Variants in TSC22D1 observed in about 807,000 individuals in gnomAD.
TSC22D1 encodes the protein TSC22 domain family member 1, also known as TSC22 domain family protein 1.
TSC22D1 carries 9 observed loss-of-function variants against 74.2 expected under a neutral mutation model. The ratio of observed to expected loss-of-function variants is 0.12; its 90% CI spans 0.07 to 0.21. The LOEUF (loss-of-function observed/expected upper bound fraction) is 0.21, where lower values mean the gene tolerates loss of function less well. Among genes scored for constraint, TSC22D1 ranks in the 10% least tolerant of loss-of-function variants. The probability of loss-of-function intolerance (pLI) is 1.00; values close to 1 mark genes in which losing one functional copy is unlikely to be tolerated. For missense variants in TSC22D1, 1,427 were observed against 1,304.7 expected (o/e 1.09, Z -1.44); for synonymous variants, 586 against 492.5 (o/e 1.19, Z -2.51).
intron 1 of TSC22D1, among the ~76,000 whole-genome samples, chr13:44,549,398 G>C (rs975133473): frequency 6.6e-6 from 1 of 152,034 alleles, no homozygotes; most frequent in African/African-American, 2.4e-5. Context: ...TGAGCCTAAA[G>C]TGACAAGGAA....
At chr13:44,517,901 G>T (rs1880129447) in intron 1 of TSC22D1, among the ~76,000 whole-genome samples, 1 of 127,020 alleles carries the variant, frequency 7.9e-6, no homozygotes, top group Admixed American at 9.0e-5. Flanking sequence ...ACTGAGCCGA[G>T]GCTGAGTGCA....
rs1480787781 is a variant in TSC22D1, at chr13:44,434,818, G to A, written c.3030C>T (p.Ile1010=). ...REEVEVLKEQ[I]KELIEKNSQL... ...GGGAATTTTTCTCTATTAGTTCTTT[G>A]ATTTGCTCTTTGAGGACCTCCACTT... is the stretch of plus-strand genomic sequence containing the variant. The change falls in exon 3 of 3, where the codon ATC becomes ATT. Residue 1010 remains isoleucine (I), a synonymous_variant. Coordinates refer to ENST00000458659, the MANE Select transcript of TSC22D1 (RefSeq NM_183422.4). 3 of 1,613,956 alleles carry A rather than the reference G, an allele frequency of 1.9e-6. No individual in the cohort carries two copies. The highest frequency in any genetic ancestry group is 2.5e-6 in the Non-Finnish European group (3 of 1,179,992).
At chr13:44,569,619 AAC>A (rs1883617901) in intron 1 of TSC22D1, among the ~76,000 whole-genome samples, 1 of 152,220 alleles carries the variant, frequency 6.6e-6, no homozygotes, top group Non-Finnish European at 1.5e-5. Context: ...TTTTATAGGT[AAC>A]ACACATGCGT....
intron 1 of TSC22D1, chr13:44,538,135 G>A: frequency 1.0e-6 from 1 of 985,202 alleles, no homozygotes; most frequent in Non-Finnish European, 1.2e-6. Flanking sequence ...CTTCTGCTCT[G>A]TAAACTACTG....
chr13:44,551,389 GGTGT>G (rs376368576), intron 1 of TSC22D1, among the ~76,000 whole-genome samples: 11,360 of 125,138 alleles, frequency 0.091, 533 homozygotes, highest in African/African-American at 0.12. Context: ...CAATCAGATG[GGTGT>G]GTGTGTGTGT....
Position 44,487,325 on chromosome 13 carries a change from C to A in TSC22D1, c.2913-51230G>T, listed in dbSNP as rs367892474. 8.6e-4 allele frequency among the ~76,000 whole-genome samples: 130 copies of A among 151,218 alleles called. 1 individual carries two copies. The Middle Eastern group carries it at 0.01, about 12-fold the overall frequency. ...ACCAGCCTGTCCAACATGGCAAAAC[C>A]CTGTCTCTACTAAAAATACAAAAAT... On this transcript the variant is annotated intron_variant, in intron 1 of 2. Transcript: ENST00000458659.
At chr13:44,450,100 A>C (rs981309773) in intron 1 of TSC22D1, among the ~76,000 whole-genome samples, 2 of 151,370 alleles carry the variant, frequency 1.3e-5, no homozygotes, top group South Asian at 2.1e-4. Flanking sequence ...TGAGGGCAGA[A>C]GACTTACCCT....
At chr13:44,499,094 C>A (rs1228200191) in intron 1 of TSC22D1, among the ~76,000 whole-genome samples, 10 of 152,122 alleles carry the variant, frequency 6.6e-5, no homozygotes, top group Admixed American at 3.9e-4. Flanking sequence ...AAATACAATT[C>A]AATTTCAGTC....
intron 1 of TSC22D1, among the ~76,000 whole-genome samples, chr13:44,568,874 G>C (rs1260215527): frequency 6.6e-6 from 1 of 152,130 alleles, no homozygotes; most frequent in Non-Finnish European, 1.5e-5. Context: ...TGGGGATGGA[G>C]CAGGGAAGCA....
At chr13:44,518,251 T>C (rs1212039949) in intron 1 of TSC22D1, among the ~76,000 whole-genome samples, 1 of 152,128 alleles carries the variant, frequency 6.6e-6, no homozygotes, top group Admixed American at 6.6e-5. Flanking sequence ...TCAGAAGTGC[T>C]ATGCTGCTGC....
At chr13:44,439,896 T>G (rs960162250) in intron 1 of TSC22D1, among the ~76,000 whole-genome samples, 1 of 152,210 alleles carries the variant, frequency 6.6e-6, no homozygotes, top group Non-Finnish European at 1.5e-5. Flanking sequence ...ACCGGTACAG[T>G]TGGAGATTCA....
chr13:44,453,296 T>TC (rs397802205), intron 1 of TSC22D1, among the ~76,000 whole-genome samples: 3 of 146,128 alleles, frequency 2.1e-5, no homozygotes, highest in Admixed American at 6.9e-5. Flanking sequence ...TAATATAACT[T>TC]TTTTGCATAA....
chr13:44,443,053 T>C (rs199860758), intron 1 of TSC22D1, among the ~76,000 whole-genome samples: 2 of 150,608 alleles, frequency 1.3e-5, no homozygotes, highest in East Asian at 3.9e-4. Flanking sequence ...GAAAACATTT[T>C]AAGAAATAAC....
At chr13:44,458,494 T>C (rs1595093415) in intron 1 of TSC22D1, among the ~76,000 whole-genome samples, 2 of 152,246 alleles carry the variant, frequency 1.3e-5, no homozygotes, top group African/African-American at 4.8e-5. Flanking sequence ...CGGCGGGCAT[T>C]GCAGGCTCCA....
chr13:44,573,345 A>G lies in TSC22D1; in HGVS notation c.2730T>C (p.Ile910=). The G allele has an allele frequency of 1.9e-6, 3 of 1,614,234 alleles. No individual in the cohort carries two copies. The Admixed American group carries it at 5.0e-5, about 27-fold the overall frequency. ...QSLAQAIGSQ[I]EDARRAAEPS... is the part of the protein sequence containing the mutation. Reference sequence around the variant, plus strand: ...GCTCCGCTGCACGCCTGGCATCTTCAATTTGGCTTCCAATTGCCTGAGCTA... The same window carrying G: ...GCTCCGCTGCACGCCTGGCATCTTCGATTTGGCTTCCAATTGCCTGAGCTA... Residue 910 remains isoleucine (I), a synonymous_variant, in exon 1 of 3, where the codon ATT becomes ATC. Coordinates refer to ENST00000458659, the MANE Select transcript of TSC22D1 (RefSeq NM_183422.4).
At chr13:44,453,836 A>G (rs1316616086) in intron 1 of TSC22D1, among the ~76,000 whole-genome samples, 1 of 152,260 alleles carries the variant, frequency 6.6e-6, no homozygotes. Flanking sequence ...TGTTTCTAAT[A>G]AGAAATGCTC....
At chr13:44,478,135 C>G (rs1264332916) in intron 1 of TSC22D1, among the ~76,000 whole-genome samples, 1 of 152,020 alleles carries the variant, frequency 6.6e-6, no homozygotes, top group East Asian at 1.9e-4. Flanking sequence ...AAAAGCAGAA[C>G]TATTTTTAAA....
At chr13:44,498,758 G>A (rs531429425) in intron 1 of TSC22D1, among the ~76,000 whole-genome samples, 2 of 152,164 alleles carry the variant, frequency 1.3e-5, no homozygotes, top group East Asian at 1.9e-4. Context: ...CCCACTCACC[G>A]TTGCCCTCAT....
intron 1 of TSC22D1, among the ~76,000 whole-genome samples, chr13:44,490,359 T>G (rs78386476): frequency 7.2e-6 from 1 of 139,134 alleles, no homozygotes; most frequent in East Asian, 2.1e-4. Context: ...GAATGCTAAG[T>G]TTTTTTTTTT....
Sources: gnomAD v4.1 joint callset for allele counts (sites outside exome capture counted in the v4.1 genomes callset) on GRCh38, gnomAD v4.1.1 for gene constraint, MANE v1.5 for transcripts, NCBI Gene and HGNC (gene_info 2026-07-23, HGNC 2026-07-21) for gene names.